Variants in ROBO2 observed in about 807,000 individuals in gnomAD.
The protein encoded by ROBO2 is roundabout guidance receptor 2.
Under a neutral mutation model 160.8 loss-of-function variants are expected in ROBO2, and 53 were observed. That is an observed-to-expected ratio of 0.33 (90% confidence interval 0.26 to 0.41). The LOEUF (loss-of-function observed/expected upper bound fraction) is 0.41. Among genes scored for constraint, ROBO2 ranks in the 10% least tolerant of loss-of-function variants. The pLI is 1.00. For synonymous variants in ROBO2, 664 were observed against 611.7 expected, an observed-to-expected ratio of 1.09 and a Z score of -1.26; for missense variants, 1,577 against 1,722.4, an observed-to-expected ratio of 0.92 and a Z score of 1.49.
At chr3:76,850,965 T>C (rs973742559) in intron 2 of ROBO2, among the ~76,000 whole-genome samples, 1 of 152,200 alleles carries the variant, frequency 6.6e-6, no homozygotes, top group African/African-American at 2.4e-5. Context: ...CCAGAGTCCC[T>C]TCCAAAGCTA....
At chr3:76,166,501 A>G (rs2072844600) in intron 2 of ROBO2, among the ~76,000 whole-genome samples, 2 of 151,886 alleles carry the variant, frequency 1.3e-5, no homozygotes, top group African/African-American at 4.8e-5. Context: ...GCCGTTTTCT[A>G]TTTTCTTTCC....
chr3:76,238,107 AAGGACTTGGG>A (rs1705059511), intron 2 of ROBO2, among the ~76,000 whole-genome samples: 1 of 152,320 alleles, frequency 6.6e-6, no homozygotes, highest in Middle Eastern at 3.4e-3. Flanking sequence ...TGACCATTTA[AAGGACTTGGG>A]AGGTTATTCT....
chr3:76,910,658 G>A (rs766626248), intron 2 of ROBO2, among the ~76,000 whole-genome samples: 3 of 146,704 alleles, frequency 2.0e-5, no homozygotes, highest in African/African-American at 5.1e-5. Flanking sequence ...CCCAGCAGGC[G>A]GAGGTTGCAG....
chr3:76,347,549 G>T (rs1019135474), intron 2 of ROBO2, among the ~76,000 whole-genome samples: 2 of 151,944 alleles, frequency 1.3e-5, no homozygotes, highest in Non-Finnish European at 1.5e-5. Context: ...TGCCTGTTCT[G>T]GTCAAAGCTG....
At chr3:77,098,213 C>T (rs1349680689) in exon 2 of ROBO2, 2 of 1,614,022 alleles carry the variant, frequency 1.2e-6, no homozygotes, top group Admixed American at 1.7e-5. Flanking sequence ...TTCTGCCCAG[C>T]GGATCCTTAT....
intron 2 of ROBO2, among the ~76,000 whole-genome samples, chr3:76,375,303 T>C (rs906691787): frequency 6.6e-6 from 1 of 151,984 alleles, no homozygotes; most frequent in African/African-American, 2.4e-5. Context: ...ATAGGACTAT[T>C]TCAAAACCAG....
In ROBO2 at chr3:75,981,163, G is replaced by A. The variant is rs141353684; in HGVS notation, c.109+43561G>A. Among the ~76,000 whole-genome samples, 401 of 151,586 alleles carry A rather than the reference G, an allele frequency of 2.6e-3. 1 individual carries two copies. The highest frequency in any genetic ancestry group is 8.8e-3 in the African/African-American group (365 of 41,482). The stretch of plus-strand genomic sequence containing the variant: ...GATTAATGAAGACAAGGGCCCATGT[G>A]TTTTTTCAGCAATATTTTAGAGCAT... On this transcript the variant is annotated intron_variant, in intron 2 of 26. Coordinates refer to the ROBO2 transcript ENST00000487694.
intron 2 of ROBO2, among the ~76,000 whole-genome samples, chr3:76,403,040 T>G (rs551000823): frequency 1.9e-4 from 29 of 151,636 alleles, no homozygotes; most frequent in Admixed American, 4.0e-4. Flanking sequence ...AAATGTCTAC[T>G]TGATGCTTTG....
rs185028796 is a variant in ROBO2 at position 77,537,405 on chromosome 3, C to T, written c.935-8933C>T. ...ATAATAGTAACATGTTTTGCTCATA[C>T]AATGAATGAATGTAATTTGTATGTA... On this transcript the variant is annotated intron_variant, in intron 6 of 25. Transcript: ENST00000461745. Among the ~76,000 whole-genome samples, 25 of 152,114 alleles carry T rather than the reference C, an allele frequency of 1.6e-4. 1 individual carries two copies. The highest frequency in any genetic ancestry group is 5.8e-4 in the African/African-American group (24 of 41,480).
At chr3:76,738,992 A>T (rs956784167) in intron 2 of ROBO2, among the ~76,000 whole-genome samples, 1 of 152,170 alleles carries the variant, frequency 6.6e-6, no homozygotes, top group African/African-American at 2.4e-5. Context: ...GTTAAGTGGT[A>T]GAGTTGACAT....
At chr3:76,157,308 T>C (rs142242754) in intron 2 of ROBO2, among the ~76,000 whole-genome samples, 111 of 152,280 alleles carry the variant, frequency 7.3e-4, no homozygotes, top group African/African-American at 2.6e-3. Context: ...AGAGCTTTTT[T>C]TTTGGGGTGG....
intron 2 of ROBO2, among the ~76,000 whole-genome samples, chr3:76,023,539 A>T (rs1208144157): frequency 6.6e-6 from 1 of 151,644 alleles, no homozygotes; most frequent in Non-Finnish European, 1.5e-5. Flanking sequence ...GTTGCTAAAG[A>T]ACTGAGAACA....
At chr3:76,694,755 A>T (rs2092892290) in intron 2 of ROBO2, among the ~76,000 whole-genome samples, 1 of 152,160 alleles carries the variant, frequency 6.6e-6, no homozygotes, top group Non-Finnish European at 1.5e-5. Flanking sequence ...AGAGGAAATT[A>T]TGTTTTCCTT....
intron 2 of ROBO2, among the ~76,000 whole-genome samples, chr3:76,460,852 A>G (rs552332174): frequency 6.6e-6 from 1 of 152,338 alleles, no homozygotes; most frequent in South Asian, 2.1e-4. Context: ...AGCTGTAGAT[A>G]TCTAAGAAAA....
chr3:76,192,524 C>CCACACACACACA lies in ROBO2; in HGVS notation c.109+254958_109+254969dup, dbSNP rs3039244. 3.5e-4 allele frequency among the ~76,000 whole-genome samples: 46 copies of CCACACACACACA among 130,084 alleles called. 1 individual carries two copies. The highest frequency in any genetic ancestry group is 8.0e-4 in the Admixed American group (10 of 12,454). The allele number at this position is 130,084 out of a possible 152,430, so 85.3% of individuals were successfully genotyped here. A position where few individuals can be genotyped will look rare whatever the true frequency, so the allele number is the denominator to read the frequency against. On this transcript the variant is annotated intron_variant, in intron 2 of 26. Coordinates refer to the ROBO2 transcript ENST00000487694. ...TCTAAACTTTGCGTCCAACACTCCA[C>CCACACACACACA]CACACACACACACACACACACACAC... is the stretch of plus-strand genomic sequence containing the variant.
At chr3:77,307,202 T>C (rs1580917125) in intron 2 of ROBO2, among the ~76,000 whole-genome samples, 1 of 152,214 alleles carries the variant, frequency 6.6e-6, no homozygotes, top group Admixed American at 6.5e-5. Flanking sequence ...TGATGGCTGG[T>C]ATGAAAAAGA....
intron 2 of ROBO2, among the ~76,000 whole-genome samples, chr3:76,337,790 C>A (rs539583017): frequency 6.6e-6 from 1 of 152,240 alleles, no homozygotes; most frequent in African/African-American, 2.4e-5. Context: ...GGGATTTGAA[C>A]TTGCCTTATT....
intron 2 of ROBO2, among the ~76,000 whole-genome samples, chr3:76,662,975 G>A (rs2091889250): frequency 1.3e-5 from 2 of 152,142 alleles, no homozygotes; most frequent in South Asian, 4.1e-4. Flanking sequence ...GTCAGACTTG[G>A]ATTTTATATA....
At chr3:76,325,184 T>G (rs2072910422) in intron 2 of ROBO2, among the ~76,000 whole-genome samples, 1 of 152,238 alleles carries the variant, frequency 6.6e-6, no homozygotes. Flanking sequence ...AACATTTTAT[T>G]TAACACTACA....
Sources: allele counts gnomAD v4.1 joint callset (sites outside exome capture counted in the v4.1 genomes callset), GRCh38; gene constraint gnomAD v4.1.1; transcripts MANE v1.5; gene names NCBI Gene and HGNC (gene_info 2026-07-23, HGNC 2026-07-21).